WWOX: variants seen among roughly 807,000 people sequenced by gnomAD.
WWOX encodes the protein WW domain-containing oxidoreductase.
WWOX carries 69 observed loss-of-function variants against 46.2 expected under a neutral mutation model. That is an observed-to-expected ratio of 1.49 (90% CI 1.23 to 1.82). The LOEUF (loss-of-function observed/expected upper bound fraction) is 1.82, where lower values mean the gene tolerates loss of function less well. Among genes scored for constraint, WWOX ranks in the 40% most tolerant of loss-of-function variants. The probability of loss-of-function intolerance (pLI) is 0.00; values close to 1 mark genes in which losing one functional copy is unlikely to be tolerated. For synonymous variants in WWOX, 359 were observed against 202.6 expected (o/e 1.77, Z -6.56); for missense variants, 919 against 542.6 (o/e 1.69, Z -6.89).
At chr16:78,213,444 C>T (rs952919391) in intron 5 of WWOX, among the ~76,000 whole-genome samples, 5 of 151,352 alleles carry the variant, frequency 3.3e-5, no homozygotes, top group Non-Finnish European at 7.4e-5. Context: ...TGCCCCAATT[C>T]GAAAGATAAG....
intron 6 of WWOX, among the ~76,000 whole-genome samples, chr16:78,388,788 G>C (rs1182162198): frequency 1.3e-5 from 2 of 151,594 alleles, no homozygotes. Flanking sequence ...TGGGCAACAA[G>C]GTAAAACCCC....
intron 8 of WWOX, among the ~76,000 whole-genome samples, chr16:78,950,566 G>A (rs908548966): frequency 5.1e-5 from 6 of 117,626 alleles, no homozygotes; most frequent in Non-Finnish European, 9.8e-5. Context: ...ACACACACAC[G>A]TTTCTGGTAT....
At chr16:78,417,689 T>C (rs970329161) in intron 6 of WWOX, among the ~76,000 whole-genome samples, 1 of 152,190 alleles carries the variant, frequency 6.6e-6, no homozygotes, top group Non-Finnish European at 1.5e-5. Context: ...TGCTACAAAT[T>C]AGTAGATTCT....
chr16:78,661,066 G>C (rs1483786440), intron 8 of WWOX, among the ~76,000 whole-genome samples: 1 of 152,166 alleles, frequency 6.6e-6, no homozygotes. Flanking sequence ...TGGTCTGCTT[G>C]AGCAAGGATA....
At position 78,344,727 on chromosome 16, in the gene WWOX, C is replaced by A. The variant is rs181715038; in HGVS notation, c.517-42133C>A. Among the ~76,000 whole-genome samples, 2 of 121,958 alleles carry A rather than the reference C, an allele frequency of 1.6e-5. 1 individual carries two copies. Among genetic ancestry groups the A allele is most frequent in the Non-Finnish European group, 3.9e-5 (2 of 50,868 alleles). The allele number at this position is 121,958 out of a possible 152,430, so 80.0% of individuals were successfully genotyped here. On this transcript the variant is annotated intron_variant, in intron 5 of 8. Coordinates refer to ENST00000566780, the MANE Select transcript of WWOX (RefSeq NM_016373.4). ...GAAGGAATTGACTGAAAAGAATTCT[C>A]CATTCCAACTTCCCAAGTCAGTTGC...
intron 8 of WWOX, among the ~76,000 whole-genome samples, chr16:78,982,003 T>A (rs2046692067): frequency 6.6e-6 from 1 of 152,160 alleles, no homozygotes; most frequent in Non-Finnish European, 1.5e-5. Context: ...TGGCAGAATC[T>A]CAGTTTCAAC....
intron 8 of WWOX, among the ~76,000 whole-genome samples, chr16:78,543,789 A>G (rs2043957283): frequency 1.3e-5 from 2 of 152,114 alleles, no homozygotes; most frequent in Admixed American, 1.3e-4. Context: ...CACTGATGAG[A>G]ATTGAATGCC....
chr16:78,885,924 ATT>A (rs376409155), intron 8 of WWOX, among the ~76,000 whole-genome samples: 11 of 135,672 alleles, frequency 8.1e-5, no homozygotes, highest in Admixed American at 1.5e-4. Context: ...TGGGGATGGA[ATT>A]TTTTTTTTTT....
In WWOX at chr16:78,843,268, G is replaced by C. The variant is rs1052514405; in HGVS notation, c.1057-368340G>C. Among the ~76,000 whole-genome samples, 3 of 150,132 alleles carry C rather than the reference G, an allele frequency of 2.0e-5. 1 individual carries two copies. The highest frequency in any genetic ancestry group is 1.3e-4 in the Admixed American group (2 of 15,020). ...TCCTTCATGAGCTTGTACCTCTAAA[G>C]AATGCGATTTTTCTATTTCTCCACC... On this transcript the variant is annotated intron_variant, in intron 8 of 8. Coordinates refer to ENST00000566780, the MANE Select transcript of WWOX (RefSeq NM_016373.4).
chr16:78,560,498 G>T (rs1178419433), intron 8 of WWOX, among the ~76,000 whole-genome samples: 2 of 152,080 alleles, frequency 1.3e-5, no homozygotes, highest in African/African-American at 2.4e-5. Context: ...ACAAAAATTA[G>T]CCGGGTGTGG....
rs147029715 is a variant in WWOX, at chr16:78,744,647, G to C, written c.1056+311895G>C. Among the ~76,000 whole-genome samples, 780 of 152,076 alleles carry C rather than the reference G, an allele frequency of 5.1e-3. 7 individuals are homozygous for C. Among genetic ancestry groups the C allele is most frequent in the African/African-American group, 0.018 (737 of 41,470 alleles). On this transcript the variant is annotated intron_variant, in intron 8 of 8. Transcript: ENST00000566780. ...AGGTTTCACCATGTTGGCCAGGCTAGTCTTGAATTCTTGACCTTAAGTGAT... is the reference window on the plus strand; with the variant it reads ...AGGTTTCACCATGTTGGCCAGGCTACTCTTGAATTCTTGACCTTAAGTGAT...
intron 8 of WWOX, among the ~76,000 whole-genome samples, chr16:78,539,920 A>C (rs997479030): frequency 6.6e-6 from 1 of 151,984 alleles, no homozygotes; most frequent in Admixed American, 6.6e-5. Flanking sequence ...TTATAAAACC[A>C]CACTTACATT....
At chr16:79,102,788 T>C (rs1178345467) in intron 8 of WWOX, among the ~76,000 whole-genome samples, 1 of 152,180 alleles carries the variant, frequency 6.6e-6, no homozygotes, top group East Asian at 1.9e-4. Flanking sequence ...CTAAAGACTC[T>C]TTCTAGCTCA....
intron 8 of WWOX, among the ~76,000 whole-genome samples, chr16:78,624,655 G>GA (rs950740252): frequency 1.3e-5 from 2 of 152,180 alleles, no homozygotes; most frequent in Admixed American, 6.5e-5. Flanking sequence ...TGAGAAGGGG[G>GA]AAAAAACCCT....
chr16:78,821,503 C>A (rs2051492613), intron 8 of WWOX, among the ~76,000 whole-genome samples: 1 of 152,206 alleles, frequency 6.6e-6, no homozygotes, highest in Admixed American at 6.5e-5. Flanking sequence ...ATTGTGTAAT[C>A]TTCACAGTGA....
At chr16:78,844,797 G>T (rs76016465) in intron 8 of WWOX, among the ~76,000 whole-genome samples, 21 of 152,320 alleles carry the variant, frequency 1.4e-4, no homozygotes, top group Non-Finnish European at 2.5e-4. Context: ...TCCCCGGCCA[G>T]AGTTGGCTGG....
At chr16:78,312,381 C>T (rs115164426) in intron 5 of WWOX, among the ~76,000 whole-genome samples, 11 of 132,858 alleles carry the variant, frequency 8.3e-5, no homozygotes, top group Non-Finnish European at 9.4e-5. Context: ...AGGTCTAATT[C>T]TTTTTTTTTT....
At chr16:79,144,941 G>A (rs1020192698) in intron 8 of WWOX, among the ~76,000 whole-genome samples, 2 of 152,278 alleles carry the variant, frequency 1.3e-5, no homozygotes, top group African/African-American at 4.8e-5. Context: ...AGGAAGAAAT[G>A]AAATATATGT....
chr16:78,955,367 T>G lies in WWOX; in HGVS notation c.1057-256241T>G, dbSNP rs183074789. 3.2e-4 allele frequency among the ~76,000 whole-genome samples: 48 copies of G among 152,262 alleles called. No individual in the cohort carries two copies. The East Asian group carries it at 9.3e-3, about 30-fold the overall frequency. ...GAGCATTGAGGAGATGAGTCAGGTG[T>G]GCCGCAGCACTCAGGTCAGACTTGA... is the stretch of plus-strand genomic sequence containing the variant. On this transcript the variant is annotated intron_variant, in intron 8 of 8. Coordinates refer to ENST00000566780, the MANE Select transcript of WWOX (RefSeq NM_016373.4).
Sources: gnomAD v4.1 joint callset for allele counts (sites outside exome capture counted in the v4.1 genomes callset) on GRCh38, gnomAD v4.1.1 for gene constraint, MANE v1.5 for transcripts, NCBI Gene and HGNC (gene_info 2026-07-23, HGNC 2026-07-21) for gene names.